Variants in SPATS2L observed in about 807,000 individuals in gnomAD.
The protein encoded by SPATS2L is spermatogenesis associated serine rich 2 like.
Under a neutral mutation model 59.6 loss-of-function variants are expected in SPATS2L, and 30 were observed. The observed-to-expected ratio is 0.50, with a 90% CI of 0.38 to 0.68. The LOEUF (loss-of-function observed/expected upper bound fraction) is 0.68, where lower values mean the gene tolerates loss of function less well. Among genes scored for constraint, SPATS2L ranks in the 30% least tolerant of loss-of-function variants. The pLI is 0.00. For synonymous variants in SPATS2L, 252 were observed against 263.5 expected (o/e 0.96, Z 0.42); for missense variants, 615 against 700.0 (o/e 0.88, Z 1.37).
At chr2:200,361,949 G>A (rs990897937) in intron 2 of SPATS2L, among the ~76,000 whole-genome samples, 1 of 152,130 alleles carries the variant, frequency 6.6e-6, no homozygotes, top group Non-Finnish European at 1.5e-5. Context: ...ACCCAAAGGT[G>A]TGAATGCAGG....
intron 1 of SPATS2L, among the ~76,000 whole-genome samples, chr2:200,316,805 A>C (rs1453157898): frequency 6.6e-6 from 1 of 152,118 alleles, no homozygotes; most frequent in Non-Finnish European, 1.5e-5. Flanking sequence ...CCTCTTTAGT[A>C]CTGAGAACTA....
At chr2:200,329,964 A>G (rs2079880844) in intron 2 of SPATS2L, among the ~76,000 whole-genome samples, 1 of 152,104 alleles carries the variant, frequency 6.6e-6, no homozygotes, top group Admixed American at 6.5e-5. Flanking sequence ...CTGACTTGGA[A>G]TTGACAGTGC....
At chr2:200,412,275 C>T (rs2082900621) in intron 3 of SPATS2L, 36 bp from the exon 4 acceptor site, 3 of 1,237,832 alleles carry the variant, frequency 2.4e-6, no homozygotes, top group Non-Finnish European at 3.4e-6. Context: ...TTAAAGTGTT[C>T]ACATTTCTAT....
intron 3 of SPATS2L, among the ~76,000 whole-genome samples, chr2:200,402,092 AT>A (rs2082546803): frequency 6.6e-6 from 1 of 152,148 alleles, no homozygotes; most frequent in Non-Finnish European, 1.5e-5. Context: ...CTCCCAAGAA[AT>A]TTGTGAGTCT....
chr2:200,407,533 CTGTCA>C (rs1053892741), intron 3 of SPATS2L, among the ~76,000 whole-genome samples: 14 of 152,148 alleles, frequency 9.2e-5, no homozygotes, highest in Admixed American at 6.5e-5. Flanking sequence ...TCCTCAGCTC[CTGTCA>C]TTTAATGGGG....
chr2:200,382,295 G>A (rs2081843048), intron 2 of SPATS2L, among the ~76,000 whole-genome samples: 1 of 152,014 alleles, frequency 6.6e-6, no homozygotes, highest in Non-Finnish European at 1.5e-5. Flanking sequence ...GGCTGGTCTC[G>A]AACTCCTGAC....
At chr2:200,445,229 C>A (rs2084954028) in intron 8 of SPATS2L, among the ~76,000 whole-genome samples, 1 of 152,104 alleles carries the variant, frequency 6.6e-6, no homozygotes, top group Non-Finnish European at 1.5e-5. Flanking sequence ...GGGAGGATCA[C>A]TGGAGTCTAG....
intron 2 of SPATS2L, among the ~76,000 whole-genome samples, chr2:200,360,774 G>A (rs1462297818): frequency 6.6e-6 from 1 of 152,130 alleles, no homozygotes; most frequent in Non-Finnish European, 1.5e-5. Context: ...CTGAAAAGGA[G>A]CACTCTTTCT....
chr2:200,386,920 T>A (rs897904675), intron 2 of SPATS2L, among the ~76,000 whole-genome samples: 1 of 152,222 alleles, frequency 6.6e-6, no homozygotes, highest in Non-Finnish European at 1.5e-5. Context: ...GCCGAAACTT[T>A]CATTTGAATA....
chr2:200,362,630 A>G (rs1256312343), intron 2 of SPATS2L, among the ~76,000 whole-genome samples: 1 of 152,188 alleles, frequency 6.6e-6, no homozygotes, highest in Admixed American at 6.5e-5. Flanking sequence ...GAGGATGGAA[A>G]TTATGACCTT....
Position 200,477,858 on chromosome 2 carries a change from C to A in SPATS2L, c.1504C>A (p.Pro502Thr). ...CTTGGGGATGAAGACCCCCGAGGCCCCGGCCCATTCTGAAAAGCCCCGGCG... is the reference window on the plus strand; with the variant it reads ...CTTGGGGATGAAGACCCCCGAGGCCACGGCCCATTCTGAAAAGCCCCGGCG... The part of the protein sequence containing the change: ...ASLGMKTPEA[P>T]AHSEKPRRRQ... The change falls in exon 13 of 13, where the codon CCG becomes ACG. Residue 502 changes from proline to threonine, a missense_variant. Pro to Thr is a conservative substitution (Grantham distance 38). Around this residue, in one of 3 missense-constraint regions of SPATS2L, gnomAD observed 284 missense variants for 280.1 expected, o/e 1.01. Transcript: ENST00000409140. 1.3e-6 allele frequency: 2 copies of A among 1,594,726 alleles called. No homozygotes were observed. The highest frequency in any genetic ancestry group is 1.7e-6 in the Non-Finnish European group (2 of 1,170,582).
At chr2:200,311,016 G>C (rs1351074032) in intron 1 of SPATS2L, among the ~76,000 whole-genome samples, 1 of 152,198 alleles carries the variant, frequency 6.6e-6, no homozygotes, top group African/African-American at 2.4e-5. Flanking sequence ...GTAAGGCACT[G>C]ATGTGCCTTT....
intron 11 of SPATS2L, among the ~76,000 whole-genome samples, chr2:200,472,368 G>T (rs1350138865): frequency 1.3e-5 from 2 of 152,214 alleles, no homozygotes; most frequent in Admixed American, 1.3e-4. Context: ...ACAGGCCAGA[G>T]TGTCCGCATA....
intron 2 of SPATS2L, among the ~76,000 whole-genome samples, chr2:200,375,960 A>G (rs2081585355): frequency 2.0e-5 from 3 of 152,200 alleles, no homozygotes; most frequent in Non-Finnish European, 4.4e-5. Flanking sequence ...TGGCATTTAA[A>G]GTGATAACTT....
At chr2:200,474,764 A>G (rs1006315612) in intron 12 of SPATS2L, among the ~76,000 whole-genome samples, 1 of 152,140 alleles carries the variant, frequency 6.6e-6, no homozygotes, top group East Asian at 1.9e-4. Context: ...GTAATGGCTC[A>G]TTTAAGTTGA....
At chr2:200,357,510 GA>G (rs773454273) in intron 2 of SPATS2L, among the ~76,000 whole-genome samples, 7 of 152,210 alleles carry the variant, frequency 4.6e-5, no homozygotes, top group Admixed American at 6.5e-5. Flanking sequence ...AAAATGTAGA[GA>G]GGGGGAAAAG....
chr2:200,442,139 G>C (rs1314710523), intron 8 of SPATS2L, among the ~76,000 whole-genome samples: 1 of 152,108 alleles, frequency 6.6e-6, no homozygotes, highest in South Asian at 2.1e-4. Flanking sequence ...AGTCTTCTCT[G>C]TTTGATCATA....
chr2:200,393,678 G>C (rs1022661059), intron 3 of SPATS2L, among the ~76,000 whole-genome samples: 1 of 152,092 alleles, frequency 6.6e-6, no homozygotes, highest in Non-Finnish European at 1.5e-5. Flanking sequence ...ATTTATTTTA[G>C]TATACTTACT....
At chr2:200,367,082 A>G (rs2081288510) in intron 2 of SPATS2L, among the ~76,000 whole-genome samples, 1 of 152,250 alleles carries the variant, frequency 6.6e-6, no homozygotes, top group Admixed American at 6.5e-5. Flanking sequence ...TATTGAAAAG[A>G]TATACCTGAG....
Sources: allele counts gnomAD v4.1 joint callset (sites outside exome capture counted in the v4.1 genomes callset), GRCh38; gene constraint gnomAD v4.1.1; regional missense constraint gnomAD v4.1.1; transcripts MANE v1.5; gene names NCBI Gene and HGNC (gene_info 2026-07-23, HGNC 2026-07-21).